Variants in ZFP1 observed in about 807,000 individuals in gnomAD.
The protein encoded by ZFP1 is zinc finger protein 1 homolog.
A neutral mutation model predicts 38.5 loss-of-function variants in ZFP1; 32 were observed. The ratio of observed to expected loss-of-function variants is 0.83; its 90% CI spans 0.63 to 1.12. The LOEUF is 1.12. Ranked by LOEUF, ZFP1 falls within the 50% of genes most tolerant of loss-of-function variation. The probability of loss-of-function intolerance (pLI) is 0.00; values close to 1 mark genes in which losing one functional copy is unlikely to be tolerated. For synonymous variants in ZFP1, 245 were observed against 168.8 expected (o/e 1.45, Z -3.50); for missense variants, 616 against 480.8 (o/e 1.28, Z -2.63).
At chr16:75,119,062 T>G in the ZFP1 span, among the ~76,000 whole-genome samples, 2 of 152,200 alleles carry the variant, frequency 1.3e-5, no homozygotes, top group African/African-American at 4.8e-5. Flanking sequence ...CTCCCCAAAA[T>G]GTATAAAACT....
upstream of ZFP1, among the ~76,000 whole-genome samples, chr16:75,145,824 C>G (rs2036936948): frequency 1.3e-5 from 2 of 152,184 alleles, no homozygotes; most frequent in African/African-American, 4.8e-5. Flanking sequence ...GTGACCTGAT[C>G]CTTTCTGGAT....
rs1480240992 is a variant in ZFP1, at chr16:75,172,053, A to G, written c.*1719A>G. The G allele has an allele frequency of 6.6e-6, 1 of 152,210 alleles. No homozygotes were observed. Among genetic ancestry groups the G allele is most frequent in the Non-Finnish European group, 1.5e-5 (1 of 68,030 alleles). 9.4% of individuals were successfully genotyped at this position (152,210 alleles called of 1,614,324 possible). A position where few individuals can be genotyped will look rare whatever the true frequency, so the allele number is the denominator to read the frequency against. ...AAAAACAAACAAAAAAAAGACCATC[A>G]GTAAGGGAATGGATGAATAAATTGT... On this transcript the variant is annotated 3_prime_UTR_variant, in exon 4 of 4. Transcript: ENST00000570010.
chr16:75,139,566 T>G, the ZFP1 span, among the ~76,000 whole-genome samples: 1 of 151,622 alleles, frequency 6.6e-6, no homozygotes, highest in Admixed American at 6.6e-5. Flanking sequence ...GTGGCGCACA[T>G]GTGTGGTCCG....
chr16:75,147,577 G>C (rs368462161), upstream of ZFP1, among the ~76,000 whole-genome samples: 2 of 151,988 alleles, frequency 1.3e-5, no homozygotes, highest in African/African-American at 4.8e-5. Context: ...GTGAGCCACT[G>C]AGCCTGGCCA....
chr16:75,171,719 A>G lies in ZFP1; in HGVS notation c.*1385A>G, dbSNP rs540598990. The G allele has an allele frequency of 6.6e-6, 1 of 152,350 alleles. No homozygotes were observed. The highest frequency in any genetic ancestry group is 1.5e-5 in the Non-Finnish European group (1 of 68,040). The allele number at this position is 152,350 out of a possible 1,614,324, so 9.4% of individuals were successfully genotyped here. ...TAAAAAATATTTTTGGATATCATTG[A>G]TGTGCTGTCACACTATATATTGAGT... On this transcript the variant is annotated 3_prime_UTR_variant, in exon 4 of 4. Coordinates refer to ENST00000570010, the MANE Select transcript of ZFP1 (RefSeq NM_153688.4).
the ZFP1 span, among the ~76,000 whole-genome samples, chr16:75,120,441 G>A: frequency 6.6e-6 from 1 of 151,726 alleles, no homozygotes; most frequent in Non-Finnish European, 1.5e-5. Context: ...TCCCCAGAGT[G>A]TAAACAGGCA....
chr16:75,141,451 C>T, the ZFP1 span, among the ~76,000 whole-genome samples: 10 of 151,890 alleles, frequency 6.6e-5, no homozygotes, highest in African/African-American at 9.6e-5. Flanking sequence ...GTGATCCGCC[C>T]GCCTCGGCCT....
the ZFP1 span, among the ~76,000 whole-genome samples, chr16:75,139,318 G>A: frequency 2.8e-5 from 4 of 142,382 alleles, no homozygotes; most frequent in East Asian, 2.1e-4. Flanking sequence ...GCAGTGAGCC[G>A]AGGTTGCGCC....
At chr16:75,121,553 A>C in the ZFP1 span, among the ~76,000 whole-genome samples, 4 of 152,142 alleles carry the variant, frequency 2.6e-5, no homozygotes, top group African/African-American at 9.7e-5. Flanking sequence ...GTTTCCTTTA[A>C]TATGCAAACA....
intron 2 of ZFP1, among the ~76,000 whole-genome samples, chr16:75,162,860 G>C (rs1031915725): frequency 6.6e-6 from 1 of 151,562 alleles, no homozygotes; most frequent in Middle Eastern, 3.2e-3. Flanking sequence ...ATATGGCTGT[G>C]GTTTTAAAAT....
chr16:75,150,256 T>G (rs2037125893), intron 1 of ZFP1, among the ~76,000 whole-genome samples: 1 of 150,208 alleles, frequency 6.7e-6, no homozygotes, highest in African/African-American at 2.4e-5. Flanking sequence ...TTGCCCAGTC[T>G]GGAGTGCAGT....
At chr16:75,151,470 AC>A (rs2037200765) in intron 1 of ZFP1, among the ~76,000 whole-genome samples, 1 of 151,764 alleles carries the variant, frequency 6.6e-6, no homozygotes, top group Non-Finnish European at 1.5e-5. Flanking sequence ...TTTTATAATT[AC>A]ATTTTATCTC....
chr16:75,122,360 C>T, the ZFP1 span, among the ~76,000 whole-genome samples: 1 of 152,258 alleles, frequency 6.6e-6, no homozygotes, highest in East Asian at 1.9e-4. Flanking sequence ...GAACAGTTGG[C>T]TCAGGATGAA....
chr16:75,165,033 G>T (rs755819062), intron 2 of ZFP1, among the ~76,000 whole-genome samples: 1 of 152,078 alleles, frequency 6.6e-6, no homozygotes, highest in Admixed American at 6.6e-5. Context: ...TTGAACTCAT[G>T]ACCTCAGGTG....
At chr16:75,166,098 C>T (rs2325828) in intron 2 of ZFP1, among the ~76,000 whole-genome samples, 141,697 of 152,242 alleles carry the variant, frequency 0.93, 66,017 homozygotes, top group African/African-American at 0.94. Context: ...GGAAGTTCAT[C>T]TTCTGCCTTA....
chr16:75,153,300 G>C (rs1567524234), intron 2 of ZFP1, among the ~76,000 whole-genome samples: 1 of 152,182 alleles, frequency 6.6e-6, no homozygotes, highest in Non-Finnish European at 1.5e-5. Flanking sequence ...CAGTGCAAGT[G>C]CAGAAGATTA....
the ZFP1 span, among the ~76,000 whole-genome samples, chr16:75,142,285 T>G: frequency 1.3e-5 from 2 of 151,782 alleles, no homozygotes; most frequent in Non-Finnish European, 2.9e-5. Context: ...GAGAATCATT[T>G]TAACCCGGAA....
chr16:75,123,804 T>C, the ZFP1 span, among the ~76,000 whole-genome samples: 3 of 150,444 alleles, frequency 2.0e-5, no homozygotes, highest in Non-Finnish European at 4.4e-5. Flanking sequence ...AAAAAAGTTG[T>C]GTCCCAGCCA....
At chr16:75,156,545 G>A (rs1268818619) in intron 2 of ZFP1, among the ~76,000 whole-genome samples, 2 of 152,210 alleles carry the variant, frequency 1.3e-5, no homozygotes, top group Non-Finnish European at 2.9e-5. Context: ...TCCAGGTATA[G>A]CCTGGCTTTG....
Sources: gnomAD v4.1 joint callset for allele counts (sites outside exome capture counted in the v4.1 genomes callset) on GRCh38, gnomAD v4.1.1 for gene constraint, MANE v1.5 for transcripts, NCBI Gene and HGNC (gene_info 2026-07-23, HGNC 2026-07-21) for gene names.